Variants in CAB39 observed in about 807,000 individuals in gnomAD.
The protein encoded by CAB39 is calcium-binding protein 39.
CAB39 carries 8 observed loss-of-function variants against 40.0 expected under a neutral mutation model. The observed-to-expected ratio is 0.20, with a 90% CI of 0.12 to 0.36. The LOEUF (loss-of-function observed/expected upper bound fraction) is 0.36. Among genes scored for constraint, CAB39 ranks in the 10% least tolerant of loss-of-function variants. CAB39 has a pLI of 1.00. For missense variants in CAB39, 270 were observed against 401.1 expected (o/e 0.67, Z 2.79); for synonymous variants, 156 against 141.6 (o/e 1.10, Z -0.72).
In CAB39 at chr2:230,715,222, T is replaced by C. The variant is rs114348295; in HGVS notation, c.-44+1992T>C. On this transcript the variant is annotated intron_variant, in intron 1 of 8. Coordinates refer to ENST00000258418, the MANE Select transcript of CAB39 (RefSeq NM_016289.4). ...AACAATGGAAGTCTTCTAAGCATGT[T>C]ATGTTTTCCTGACAAGGTTGTATTA... 5.6e-3 allele frequency among the ~76,000 whole-genome samples: 855 copies of C among 152,366 alleles called. 9 individuals carry two copies. Among genetic ancestry groups the C allele is most frequent in the African/African-American group, 0.02 (819 of 41,578 alleles).
chr2:230,792,370 A>T (rs1308062989), intron 3 of CAB39, among the ~76,000 whole-genome samples: 1 of 152,206 alleles, frequency 6.6e-6, no homozygotes, highest in African/African-American at 2.4e-5. Flanking sequence ...GCTGGTTCTT[A>T]GAGATTGCCA....
intron 2 of CAB39, among the ~76,000 whole-genome samples, chr2:230,760,663 A>AC (rs2124919756): frequency 6.6e-6 from 1 of 152,234 alleles, no homozygotes; most frequent in African/African-American, 2.4e-5. Flanking sequence ...CTGGGAGGAC[A>AC]CCCCTCCTGG....
At position 230,755,512 on chromosome 2, in the gene CAB39, G is replaced by C. The variant is rs192388754; in HGVS notation, c.-43-4447G>C. Among the ~76,000 whole-genome samples the C allele has an allele frequency of 7.4e-3, 1,126 of 152,160 alleles. 12 individuals are homozygous for C. Among genetic ancestry groups the C allele is most frequent in the African/African-American group, 0.025 (1,049 of 41,510 alleles). On this transcript the variant is annotated intron_variant, in intron 1 of 8. Coordinates refer to ENST00000258418, the MANE Select transcript of CAB39 (RefSeq NM_016289.4). Reference sequence around the variant, plus strand: ...TTATTGGTTTTTTTCTTACTGATTTGTTTGAGTTTGTTGTAGATTCTGGGT... The same window carrying C: ...TTATTGGTTTTTTTCTTACTGATTTCTTTGAGTTTGTTGTAGATTCTGGGT...
intron 1 of CAB39, among the ~76,000 whole-genome samples, chr2:230,742,136 A>T (rs556012029): frequency 1.3e-5 from 2 of 151,292 alleles, no homozygotes; most frequent in Non-Finnish European, 2.9e-5. Context: ...AGATTTACAG[A>T]TAAGTCTTTT....
chr2:230,714,525 C>T (rs2124840977), intron 1 of CAB39, among the ~76,000 whole-genome samples: 1 of 152,276 alleles, frequency 6.6e-6, no homozygotes, highest in East Asian at 1.9e-4. Flanking sequence ...TTTGTGCGTT[C>T]GCTACAGTGC....
chr2:230,809,188 A>G (rs1357883895), intron 5 of CAB39, among the ~76,000 whole-genome samples: 1 of 152,212 alleles, frequency 6.6e-6, no homozygotes, highest in Non-Finnish European at 1.5e-5. Flanking sequence ...CTCCCTGTGC[A>G]GTCTAGGACC....
At chr2:230,769,376 T>C (rs540777283) in intron 2 of CAB39, among the ~76,000 whole-genome samples, 2 of 152,336 alleles carry the variant, frequency 1.3e-5, no homozygotes, top group African/African-American at 2.4e-5. Context: ...AAGGATTTTC[T>C]AGGTAGACCA....
intron 1 of CAB39, chr2:230,725,209 GTCTT>G (rs899319020): frequency 6.9e-6 from 11 of 1,601,796 alleles, no homozygotes; most frequent in African/African-American, 2.7e-5. Context: ...CGCCACAAGT[GTCTT>G]TCAGCCATTC....
chr2:230,789,250 A>G (rs1191772173), intron 2 of CAB39, among the ~76,000 whole-genome samples: 1 of 152,070 alleles, frequency 6.6e-6, no homozygotes, highest in Non-Finnish European at 1.5e-5. Context: ...TCATTCCTCT[A>G]CTTAACATGG....
chr2:230,736,452 G>A (rs772055963), intron 1 of CAB39, among the ~76,000 whole-genome samples: 3 of 152,178 alleles, frequency 2.0e-5, no homozygotes, highest in East Asian at 3.8e-4. Context: ...AAAAAGTGGA[G>A]AGATGAAATT....
intron 4 of CAB39, among the ~76,000 whole-genome samples, chr2:230,797,362 C>A (rs1450362781): frequency 6.6e-6 from 1 of 152,170 alleles, no homozygotes; most frequent in Non-Finnish European, 1.5e-5. Context: ...TTCAACCCCA[C>A]AGTCACACTA....
At position 230,820,461 on chromosome 2, in the gene CAB39, G is replaced by C. The variant is rs1696489949; in HGVS notation, c.*1757G>C. The C allele has an allele frequency of 6.6e-6, 1 of 152,178 alleles. No homozygotes were observed. Among genetic ancestry groups the C allele is most frequent in the South Asian group, 2.1e-4 (1 of 4,826 alleles). 9.4% of individuals were successfully genotyped at this position (152,178 alleles called of 1,614,324 possible). A position where few individuals can be genotyped will look rare whatever the true frequency, so the allele number is the denominator to read the frequency against. On this transcript the variant is annotated 3_prime_UTR_variant, in exon 9 of 9. Transcript: ENST00000258418. Reference sequence around the variant, plus strand: ...CTTTACCAGAATCTGTGTGAAATAAGGCAATCTAGTCTCCTTGAAAAAAAA... The same window carrying C: ...CTTTACCAGAATCTGTGTGAAATAACGCAATCTAGTCTCCTTGAAAAAAAA...
chr2:230,722,346 G>A (rs1468311368), intron 1 of CAB39, among the ~76,000 whole-genome samples: 4 of 152,022 alleles, frequency 2.6e-5, no homozygotes, highest in East Asian at 1.9e-4. Context: ...TTGTAGAGAC[G>A]GGGTCTCACT....
rs760656084 is a variant in CAB39, at chr2:230,727,398, G to GTGTGTGTGTGTT, written c.-44+14169_-44+14170insGTGTGTGTGTTT. Among the ~76,000 whole-genome samples, 528 of 124,630 alleles carry GTGTGTGTGTGTT rather than the reference G, an allele frequency of 4.2e-3. 4 individuals are homozygous for GTGTGTGTGTGTT. Among genetic ancestry groups the GTGTGTGTGTGTT allele is most frequent in the African/African-American group, 0.012 (401 of 34,226 alleles). 81.8% of individuals were successfully genotyped at this position (124,630 alleles called of 152,430 possible). On this transcript the variant is annotated intron_variant, in intron 1 of 8. Transcript: ENST00000258418. ...TGTGTGTGTGTGTGTGTGTGTGTGTGTATTTTTTTTTCTTTTTCTTTTTTT... is the reference window on the plus strand; with the variant it reads ...TGTGTGTGTGTGTGTGTGTGTGTGTGTGTGTGTGTGTTTATTTTTTTTTCTTTTTCTTTTTTT...
At chr2:230,724,605 C>T (rs1290559311) in intron 1 of CAB39, among the ~76,000 whole-genome samples, 1 of 149,980 alleles carries the variant, frequency 6.7e-6, no homozygotes, top group Non-Finnish European at 1.5e-5. Flanking sequence ...CACTTGAACC[C>T]TGGAGGCGGA....
intron 2 of CAB39, among the ~76,000 whole-genome samples, chr2:230,778,009 C>CT (rs761823140): frequency 6.6e-6 from 1 of 152,302 alleles, no homozygotes; most frequent in Non-Finnish European, 1.5e-5. Context: ...ATCTAAAAGC[C>CT]TTTGCCTCTG....
chr2:230,735,119 G>A (rs1694763550), intron 1 of CAB39, among the ~76,000 whole-genome samples: 2 of 152,118 alleles, frequency 1.3e-5, no homozygotes, highest in South Asian at 4.1e-4. Flanking sequence ...AGAGTTTGGA[G>A]TAGAATGTGG....
chr2:230,811,326 C>G (rs10209007), intron 6 of CAB39, among the ~76,000 whole-genome samples: 22,034 of 152,060 alleles, frequency 0.14, 2,347 homozygotes, highest in African/African-American at 0.31. Flanking sequence ...TGTCTTTTCC[C>G]CCTGCCCTCC....
chr2:230,748,826 AAAAAAATATATATATATATATATATAT>A (rs1160739045), intron 1 of CAB39, among the ~76,000 whole-genome samples: 5 of 70,578 alleles, frequency 7.1e-5, no homozygotes, highest in African/African-American at 1.3e-4. Context: ...AAAAAAAAAA[AAAAAAATATATATATATATATATATAT>A]ATATATATAT....
Sources: gnomAD v4.1 joint callset for allele counts (sites outside exome capture counted in the v4.1 genomes callset) on GRCh38, gnomAD v4.1.1 for gene constraint, MANE v1.5 for transcripts, NCBI Gene and HGNC (gene_info 2026-07-23, HGNC 2026-07-21) for gene names.